Variants in XKR6 observed in about 807,000 individuals in gnomAD.
XKR6 encodes XK related 6, also known as XK-related protein 6.
A neutral mutation model predicts 56.7 loss-of-function variants in XKR6; 22 were observed. That is an observed-to-expected ratio of 0.39 (90% CI 0.28 to 0.55). The LOEUF (loss-of-function observed/expected upper bound fraction) is 0.55, where lower values mean the gene tolerates loss of function less well. Among genes scored for constraint, XKR6 ranks in the 20% least tolerant of loss-of-function variants. The pLI, the probability that XKR6 is intolerant of heterozygous loss-of-function variation, is 0.66. For synonymous variants in XKR6, 524 were observed against 387.8 expected, an observed-to-expected ratio of 1.35 and a Z score of -4.13; for missense variants, 852 against 889.0, an observed-to-expected ratio of 0.96 and a Z score of 0.53.
chr8:11,195,735 A>G (rs1585044061), intron 1 of XKR6, among the ~76,000 whole-genome samples: 2 of 146,420 alleles, frequency 1.4e-5, no homozygotes, highest in African/African-American at 2.5e-5. Context: ...TGCAAGCTCC[A>G]CCTCCCGGGT....
At chr8:10,995,622 A>C (rs1161678423) in intron 1 of XKR6, among the ~76,000 whole-genome samples, 1 of 149,538 alleles carries the variant, frequency 6.7e-6, no homozygotes, top group Non-Finnish European at 1.5e-5. Flanking sequence ...TGGGAGGTTG[A>C]GGCTGCAGTA....
intron 1 of XKR6, among the ~76,000 whole-genome samples, chr8:10,984,730 C>G (rs58932491): frequency 4.7e-5 from 3 of 63,674 alleles, no homozygotes; most frequent in African/African-American, 2.1e-4. Context: ...CTCTCTCTCT[C>G]TCTATATATA....
At chr8:11,182,157 G>T (rs999834905) in intron 1 of XKR6, among the ~76,000 whole-genome samples, 43 of 152,208 alleles carry the variant, frequency 2.8e-4, no homozygotes, top group African/African-American at 9.7e-4. Context: ...CAAGTTAACT[G>T]GTCCATGGCA....
chr8:10,913,619 C>T (rs943621534), intron 2 of XKR6, among the ~76,000 whole-genome samples: 10 of 152,224 alleles, frequency 6.6e-5, no homozygotes, highest in South Asian at 2.1e-4. Context: ...TTTACAAACA[C>T]GATCACTGCA....
At chr8:10,999,033 C>T (rs914712439) in intron 1 of XKR6, among the ~76,000 whole-genome samples, 1 of 152,144 alleles carries the variant, frequency 6.6e-6, no homozygotes, top group Non-Finnish European at 1.5e-5. Flanking sequence ...GACCAAGTAC[C>T]CTCCTCTCAA....
intron 1 of XKR6, among the ~76,000 whole-genome samples, chr8:11,142,184 A>G (rs1333201543): frequency 6.6e-6 from 1 of 152,168 alleles, no homozygotes; most frequent in East Asian, 1.9e-4. Flanking sequence ...CCCAGTAACA[A>G]TTTGCATCCA....
At chr8:10,899,387 G>A (rs1445692658) in intron 2 of XKR6, among the ~76,000 whole-genome samples, 1 of 152,214 alleles carries the variant, frequency 6.6e-6, no homozygotes, top group Non-Finnish European at 1.5e-5. Context: ...ATTCCACACT[G>A]TTCTCCTCTG....
At chr8:11,093,434 G>C (rs1798150635) in intron 1 of XKR6, among the ~76,000 whole-genome samples, 1 of 152,176 alleles carries the variant, frequency 6.6e-6, no homozygotes, top group Non-Finnish European at 1.5e-5. Context: ...GGCTATGCAA[G>C]AAAAACTTTT....
At chr8:10,983,662 GT>G (rs58543763) in intron 1 of XKR6, among the ~76,000 whole-genome samples, 14,415 of 145,080 alleles carry the variant, frequency 0.099, 2,320 homozygotes, top group African/African-American at 0.34. Flanking sequence ...TCTTTTTTTT[GT>G]TTTTTTTTTT....
At chr8:10,905,050 C>T (rs1345815762) in intron 2 of XKR6, among the ~76,000 whole-genome samples, 1 of 152,198 alleles carries the variant, frequency 6.6e-6, no homozygotes, top group Non-Finnish European at 1.5e-5. Context: ...TGACTCTTTC[C>T]TCCCCAGCTC....
At chr8:10,978,513 G>A (rs561956348) in intron 1 of XKR6, among the ~76,000 whole-genome samples, 2 of 152,296 alleles carry the variant, frequency 1.3e-5, no homozygotes, top group African/African-American at 2.4e-5. Flanking sequence ...TGGGAAACAG[G>A]TGTATTTTAT....
intron 1 of XKR6, among the ~76,000 whole-genome samples, chr8:11,195,572 T>C (rs1302227903): frequency 6.6e-6 from 1 of 152,196 alleles, no homozygotes; most frequent in African/African-American, 2.4e-5. Context: ...TCAAAGTTTT[T>C]TTTGACTACT....
intron 1 of XKR6, among the ~76,000 whole-genome samples, chr8:11,098,897 A>T (rs1382210811): frequency 6.6e-6 from 1 of 152,166 alleles, no homozygotes; most frequent in Non-Finnish European, 1.5e-5. Flanking sequence ...CTTCTGGAAC[A>T]TTCCCCCATG....
intron 1 of XKR6, among the ~76,000 whole-genome samples, chr8:11,166,783 G>C (rs1198878344): frequency 6.6e-6 from 1 of 152,134 alleles, no homozygotes; most frequent in Admixed American, 6.5e-5. Context: ...ATGTTGGCCA[G>C]GCTGGTCTGG....
intron 1 of XKR6, among the ~76,000 whole-genome samples, chr8:10,930,414 A>G (rs965062833): frequency 6.6e-6 from 1 of 152,240 alleles, no homozygotes; most frequent in East Asian, 1.9e-4. Context: ...TTTCCAGAAA[A>G]TAAAAAAGGA....
At chr8:11,086,272 T>A (rs1797887921) in intron 1 of XKR6, among the ~76,000 whole-genome samples, 1 of 152,052 alleles carries the variant, frequency 6.6e-6, no homozygotes, top group Non-Finnish European at 1.5e-5. Flanking sequence ...GAAAATCACA[T>A]TACAGGCAAA....
intron 1 of XKR6, among the ~76,000 whole-genome samples, chr8:10,927,951 C>A (rs571168621): frequency 2.6e-5 from 4 of 152,316 alleles, no homozygotes; most frequent in East Asian, 3.9e-4. Flanking sequence ...AGGGACTGAT[C>A]ACAGCCCTGC....
At chr8:11,021,142 T>A (rs374391683) in intron 1 of XKR6, among the ~76,000 whole-genome samples, 1 of 152,152 alleles carries the variant, frequency 6.6e-6, no homozygotes, top group African/African-American at 2.4e-5. Flanking sequence ...TAGGAAGGAA[T>A]CTTGGGCTTC....
At chr8:10,901,949 T>C (rs1400153293) in intron 2 of XKR6, among the ~76,000 whole-genome samples, 1 of 152,210 alleles carries the variant, frequency 6.6e-6, no homozygotes, top group Non-Finnish European at 1.5e-5. Context: ...AGCCACCAGT[T>C]GCAAAGCCAA....
Sources: allele counts gnomAD v4.1 joint callset (sites outside exome capture counted in the v4.1 genomes callset), GRCh38; gene constraint gnomAD v4.1.1; transcripts MANE v1.5; gene names NCBI Gene and HGNC (gene_info 2026-07-23, HGNC 2026-07-21).